Variants in EXOC6B observed in about 807,000 individuals in gnomAD.
EXOC6B encodes the protein SEC15 homolog B.
A neutral mutation model predicts 113.5 loss-of-function variants in EXOC6B; 54 were observed. The observed-to-expected ratio is 0.48, with a 90% confidence interval of 0.38 to 0.60. EXOC6B has a LOEUF of 0.60. Among genes scored for constraint, EXOC6B ranks in the 20% least tolerant of loss-of-function variants. The pLI, the probability that EXOC6B is intolerant of heterozygous loss-of-function variation, is 0.00. For synonymous variants in EXOC6B, 357 were observed against 339.0 expected, an observed-to-expected ratio of 1.05 and a Z score of -0.58; for missense variants, 797 against 977.5, an observed-to-expected ratio of 0.82 and a Z score of 2.46.
intron 11 of EXOC6B, among the ~76,000 whole-genome samples, chr2:72,511,969 C>G (rs1700925586): frequency 6.6e-6 from 1 of 152,044 alleles, no homozygotes. Context: ...GCTAAATTAT[C>G]TTCCGTCATT....
chr2:72,669,279 G>A (rs1262612855), intron 6 of EXOC6B, among the ~76,000 whole-genome samples: 1 of 151,772 alleles, frequency 6.6e-6, no homozygotes, highest in Non-Finnish European at 1.5e-5. Context: ...TCATAAATGG[G>A]TGGTTCACTG....
At chr2:72,434,644 T>C (rs962299859) in intron 18 of EXOC6B, among the ~76,000 whole-genome samples, 1 of 152,082 alleles carries the variant, frequency 6.6e-6, no homozygotes, top group Non-Finnish European at 1.5e-5. Context: ...GAGGTTGTAT[T>C]TGTCCAGGAA....
At chr2:72,199,793 G>A (rs1318020520) in intron 20 of EXOC6B, among the ~76,000 whole-genome samples, 1 of 152,136 alleles carries the variant, frequency 6.6e-6, no homozygotes, top group Non-Finnish European at 1.5e-5. Flanking sequence ...AGACCTTTTA[G>A]TTTGTTCCAT....
chr2:72,338,960 CACAT>C (rs1341761911), intron 19 of EXOC6B, among the ~76,000 whole-genome samples: 7 of 146,784 alleles, frequency 4.8e-5, no homozygotes, highest in Admixed American at 1.4e-4. Context: ...CATACACATA[CACAT>C]ACATACACAT....
At chr2:72,284,382 C>T (rs1276826323) in intron 20 of EXOC6B, among the ~76,000 whole-genome samples, 1 of 151,948 alleles carries the variant, frequency 6.6e-6, no homozygotes, top group African/African-American at 2.4e-5. Context: ...ATTACACAAA[C>T]ATATCAACAG....
intron 20 of EXOC6B, among the ~76,000 whole-genome samples, chr2:72,293,840 A>C (rs1422670850): frequency 6.6e-6 from 1 of 152,214 alleles, no homozygotes; most frequent in East Asian, 1.9e-4. Context: ...GTTGAAATAC[A>C]CAATGTATTT....
chr2:72,632,087 G>T (rs777619598), intron 6 of EXOC6B, among the ~76,000 whole-genome samples: 10 of 151,880 alleles, frequency 6.6e-5, no homozygotes, highest in Non-Finnish European at 1.5e-4. Flanking sequence ...CATGAAAATG[G>T]ATATAACTGA....
intron 18 of EXOC6B, among the ~76,000 whole-genome samples, chr2:72,415,352 A>G (rs529734775): frequency 6.6e-6 from 1 of 152,052 alleles, no homozygotes; most frequent in Non-Finnish European, 1.5e-5. Flanking sequence ...AAAAAAAAAA[A>G]ATACAGTGAT....
intron 5 of EXOC6B, among the ~76,000 whole-genome samples, chr2:72,720,218 A>T (rs1232501305): frequency 6.6e-6 from 1 of 152,148 alleles, no homozygotes; most frequent in Non-Finnish European, 1.5e-5. Flanking sequence ...AAAGCAGTAA[A>T]GGAGCAACAA....
At chr2:72,348,046 C>T (rs1373260630) in intron 19 of EXOC6B, among the ~76,000 whole-genome samples, 1 of 152,146 alleles carries the variant, frequency 6.6e-6, no homozygotes, top group Non-Finnish European at 1.5e-5. Context: ...TTATAAACAA[C>T]AGAAATTTAT....
At chr2:72,749,329 A>C (rs1444767337) in intron 1 of EXOC6B, among the ~76,000 whole-genome samples, 2 of 152,074 alleles carry the variant, frequency 1.3e-5, no homozygotes, top group Non-Finnish European at 1.5e-5. Flanking sequence ...TTTAACACTT[A>C]AACATGTGAT....
intron 18 of EXOC6B, among the ~76,000 whole-genome samples, chr2:72,459,459 T>C (rs77280818): frequency 0.013 from 1,908 of 152,252 alleles, 50 homozygotes; most frequent in African/African-American, 0.042. Flanking sequence ...GAAAAACCCA[T>C]TGTCTCAGCC....
rs145345780 is a variant in EXOC6B at position 72,763,300 on chromosome 2, T to C, written c.114-21831A>G. ...CCCCTTCCTGTATTTAGAGCTATTG[T>C]TGTCATTCCTTTGTATAGTACCTTG... is the stretch of plus-strand genomic sequence containing the variant. On this transcript the variant is annotated intron_variant, in intron 1 of 21. Coordinates refer to ENST00000272427, the MANE Select transcript of EXOC6B (RefSeq NM_015189.3). Among the ~76,000 whole-genome samples, 156 of 152,332 alleles carry C rather than the reference T, an allele frequency of 1.0e-3. 1 individual carries two copies. In the Middle Eastern group the frequency reaches 0.024, roughly 23 times the overall value.
intron 18 of EXOC6B, among the ~76,000 whole-genome samples, chr2:72,435,721 T>TG: frequency 6.9e-6 from 1 of 145,500 alleles, no homozygotes; most frequent in African/African-American, 2.7e-5. Flanking sequence ...CTGCTTTTTT[T>TG]TTGTTTTTTT....
chr2:72,735,643 C>A (rs1041639910), intron 2 of EXOC6B, among the ~76,000 whole-genome samples: 2 of 151,762 alleles, frequency 1.3e-5, no homozygotes, highest in Non-Finnish European at 2.9e-5. Context: ...TGGTGAAACC[C>A]AGTCTCTACT....
chr2:72,359,033 G>A (rs1690136594), intron 19 of EXOC6B, among the ~76,000 whole-genome samples: 1 of 152,130 alleles, frequency 6.6e-6, no homozygotes, highest in African/African-American at 2.4e-5. Context: ...TAAGGAGATA[G>A]GACTGGGTGG....
At chr2:72,258,610 T>A (rs1342131273) in intron 20 of EXOC6B, among the ~76,000 whole-genome samples, 13 of 151,852 alleles carry the variant, frequency 8.6e-5, no homozygotes, top group Non-Finnish European at 1.9e-4. Flanking sequence ...GCTCAAGTGA[T>A]CCTCCTGCCT....
At chr2:72,392,700 C>T (rs1467367982) in intron 18 of EXOC6B, among the ~76,000 whole-genome samples, 2 of 152,170 alleles carry the variant, frequency 1.3e-5, no homozygotes, top group Non-Finnish European at 2.9e-5. Flanking sequence ...ATCTTATCAG[C>T]CCCAGCAGAG....
At chr2:72,565,880 G>A (rs552630496) in intron 7 of EXOC6B, among the ~76,000 whole-genome samples, 5 of 152,192 alleles carry the variant, frequency 3.3e-5, no homozygotes, top group Non-Finnish European at 7.4e-5. Context: ...AACCCCTATG[G>A]AGGAGAATTT....
Sources: gnomAD v4.1 joint callset for allele counts (sites outside exome capture counted in the v4.1 genomes callset) on GRCh38, gnomAD v4.1.1 for gene constraint, MANE v1.5 for transcripts, NCBI Gene and HGNC (gene_info 2026-07-23, HGNC 2026-07-21) for gene names.